DPP10: variants seen among roughly 807,000 people sequenced by gnomAD.
The protein encoded by DPP10 is dipeptidyl peptidase like 10, also known as inactive dipeptidyl peptidase 10.
DPP10 carries 33 observed loss-of-function variants against 120.9 expected under a neutral mutation model. That is an observed-to-expected ratio of 0.27 (90% CI 0.21 to 0.37). DPP10 has a LOEUF of 0.37. Ranked by LOEUF, DPP10 falls within the 10% of genes least tolerant of loss-of-function variation. The probability of loss-of-function intolerance (pLI) is 1.00; values close to 1 mark genes in which losing one functional copy is unlikely to be tolerated. For synonymous variants in DPP10, 337 were observed against 326.1 expected (o/e 1.03, Z -0.36); for missense variants, 816 against 942.8 (o/e 0.87, Z 1.76).
intron 1 of DPP10, among the ~76,000 whole-genome samples, chr2:114,497,009 T>TATAA (rs1682581541): frequency 6.6e-6 from 1 of 150,786 alleles, no homozygotes; most frequent in African/African-American, 2.4e-5. Flanking sequence ...TATATATATA[T>TATAA]AATATGTATA....
At chr2:115,212,603 C>G (rs1470357246) in intron 1 of DPP10, among the ~76,000 whole-genome samples, 1 of 151,202 alleles carries the variant, frequency 6.6e-6, no homozygotes, top group African/African-American at 2.4e-5. Flanking sequence ...GATTACAGAA[C>G]CAATTTTCTT....
At chr2:115,353,083 G>A (rs1199023718) in intron 3 of DPP10, among the ~76,000 whole-genome samples, 1 of 152,020 alleles carries the variant, frequency 6.6e-6, no homozygotes, top group East Asian at 1.9e-4. Flanking sequence ...AAACAATTAG[G>A]TGAACAATAA....
At chr2:115,721,716 A>G (rs796982193) in intron 7 of DPP10, among the ~76,000 whole-genome samples, 1 of 152,314 alleles carries the variant, frequency 6.6e-6, no homozygotes, top group African/African-American at 2.4e-5. Context: ...TAAATTAAAA[A>G]TAAAACTACC....
At chr2:115,066,606 C>T (rs1333759339) in intron 1 of DPP10, 1 of 152,040 alleles carries the variant, frequency 6.6e-6, no homozygotes, top group Non-Finnish European at 1.5e-5. Context: ...ATGGCACTAA[C>T]CAAATTGATT....
At chr2:115,734,749 T>TA (rs933199648) in intron 8 of DPP10, among the ~76,000 whole-genome samples, 1 of 127,576 alleles carries the variant, frequency 7.8e-6, no homozygotes, top group African/African-American at 2.8e-5. Context: ...TATATGTATA[T>TA]TTTTTTCTGA....
chr2:115,733,286 C>T (rs1465184869), intron 8 of DPP10, among the ~76,000 whole-genome samples: 1 of 152,106 alleles, frequency 6.6e-6, no homozygotes, highest in Non-Finnish European at 1.5e-5. Context: ...GCATTCATTT[C>T]ATCATTGATT....
At chr2:114,650,470 T>G (rs1696501560) in intron 1 of DPP10, among the ~76,000 whole-genome samples, 1 of 152,222 alleles carries the variant, frequency 6.6e-6, no homozygotes, top group Non-Finnish European at 1.5e-5. Flanking sequence ...AATGAACTAT[T>G]GTTGTTCATG....
chr2:115,462,614 C>T lies in DPP10; in HGVS notation c.272-36896C>T, dbSNP rs761918020. ...TTTATTTAATATTGAATACAGAATC[C>T]GAAACCGTAATAGGTTGTCTCACAC... On this transcript the variant is annotated intron_variant, in intron 3 of 25. Coordinates refer to ENST00000410059, the MANE Select transcript of DPP10 (RefSeq NM_020868.6). Among the ~76,000 whole-genome samples the T allele has an allele frequency of 1.9e-4, 29 of 151,962 alleles. 1 individual carries two copies. Among genetic ancestry groups the T allele is most frequent in the Admixed American group, 3.9e-4 (6 of 15,248 alleles).
chr2:115,538,037 C>T (rs1275778447), intron 5 of DPP10, among the ~76,000 whole-genome samples: 1 of 152,020 alleles, frequency 6.6e-6, no homozygotes, highest in Non-Finnish European at 1.5e-5. Context: ...GTCTGCAACA[C>T]TGTAGCCTTG....
intron 4 of DPP10, among the ~76,000 whole-genome samples, chr2:115,525,694 A>C (rs1306230810): frequency 6.6e-6 from 1 of 152,090 alleles, no homozygotes; most frequent in Non-Finnish European, 1.5e-5. Context: ...ACCTGTTCTT[A>C]CTGAAATGTC....
chr2:115,791,543 T>G (rs773244585), intron 19 of DPP10, among the ~76,000 whole-genome samples, 187 bp downstream of exon 19: 9 of 152,198 alleles, frequency 5.9e-5, no homozygotes, highest in Non-Finnish European at 1.3e-4. Context: ...TGTAAATTTT[T>G]TTGAACTTCT....
chr2:115,766,310 G>GTGTGTGTGTGTA lies in DPP10; in HGVS notation c.1114-1986_1114-1985insGTGTGTGTGTAT, dbSNP rs1371625141. ...TATGTGTGTGTGTGTGTGTGTGTGT[G>GTGTGTGTGTGTA]TATATATATATATATGTATATATAT... On this transcript the variant is annotated intron_variant, in intron 12 of 25. Transcript: ENST00000410059. Among the ~76,000 whole-genome samples the GTGTGTGTGTGTA allele has an allele frequency of 1.3e-3, 109 of 81,706 alleles. 1 individual carries two copies. Among genetic ancestry groups the GTGTGTGTGTGTA allele is most frequent in the Non-Finnish European group, 2.0e-3 (79 of 40,378 alleles). The allele number at this position is 81,706 out of a possible 152,430, so 53.6% of individuals were successfully genotyped here.
chr2:115,794,924 G>A (rs925226983), intron 19 of DPP10, among the ~76,000 whole-genome samples: 8 of 152,002 alleles, frequency 5.3e-5, no homozygotes, highest in Admixed American at 3.3e-4. Flanking sequence ...ATGAGAAGCC[G>A]TGTTAATGGC....
chr2:114,752,925 T>A (rs1340937535), intron 1 of DPP10, among the ~76,000 whole-genome samples: 1 of 152,190 alleles, frequency 6.6e-6, no homozygotes, highest in African/African-American at 2.4e-5. Context: ...ACCCCAGAGT[T>A]AGACATACAT....
At chr2:115,660,531 A>G (rs1056682519) in intron 5 of DPP10, among the ~76,000 whole-genome samples, 1 of 152,124 alleles carries the variant, frequency 6.6e-6, no homozygotes, top group Non-Finnish European at 1.5e-5. Flanking sequence ...TTCATATAAT[A>G]CAAATTCCTT....
chr2:114,884,736 C>T (rs1229512900), intron 1 of DPP10, among the ~76,000 whole-genome samples: 2 of 152,140 alleles, frequency 1.3e-5, no homozygotes, highest in Admixed American at 1.3e-4. Context: ...ATTCCAAATT[C>T]CCAAAGTCTA....
chr2:114,951,476 G>A (rs1476723403), intron 1 of DPP10, among the ~76,000 whole-genome samples: 1 of 152,062 alleles, frequency 6.6e-6, no homozygotes. Flanking sequence ...AAAAGTGATT[G>A]TAACCAATTT....
chr2:114,610,791 C>A (rs1175887724), intron 1 of DPP10, among the ~76,000 whole-genome samples: 3 of 152,158 alleles, frequency 2.0e-5, no homozygotes, highest in Non-Finnish European at 4.4e-5. Flanking sequence ...CTTCCTGAAA[C>A]ATGCCCTGCT....
intron 1 of DPP10, among the ~76,000 whole-genome samples, chr2:114,982,668 G>A (rs1370191755): frequency 2.7e-5 from 4 of 150,636 alleles, no homozygotes; most frequent in Admixed American, 2.0e-4. Flanking sequence ...TGGTGCCATC[G>A]TGGCTCCCTG....
Sources: gnomAD v4.1 joint callset for allele counts (sites outside exome capture counted in the v4.1 genomes callset) on GRCh38, gnomAD v4.1.1 for gene constraint, MANE v1.5 for transcripts, NCBI Gene and HGNC (gene_info 2026-07-23, HGNC 2026-07-21) for gene names.